Variants in SHISA9 observed in about 807,000 individuals in gnomAD.
SHISA9 encodes the protein protein shisa-9.
Under a neutral mutation model 38.0 loss-of-function variants are expected in SHISA9, and 13 were observed. The observed-to-expected ratio is 0.34, with a 90% CI of 0.22 to 0.54. SHISA9 has a LOEUF of 0.54. Among genes scored for constraint, SHISA9 ranks in the 20% least tolerant of loss-of-function variants. The pLI, the probability that SHISA9 is intolerant of heterozygous loss-of-function variation, is 0.91. For synonymous variants in SHISA9, 275 were observed against 242.0 expected (o/e 1.14, Z -1.27); for missense variants, 538 against 575.8 (o/e 0.93, Z 0.67).
chr16:13,057,305 C>A (rs1007165826), intron 2 of SHISA9, among the ~76,000 whole-genome samples: 6 of 152,334 alleles, frequency 3.9e-5, no homozygotes, highest in African/African-American at 1.4e-4. Context: ...AAGGCAGGTG[C>A]TCTGTTCCTC....
chr16:13,518,851 G>C, the SHISA9 span, among the ~76,000 whole-genome samples: 1 of 152,228 alleles, frequency 6.6e-6, no homozygotes, highest in Non-Finnish European at 1.5e-5. Context: ...TGTGGCGAGG[G>C]CCTTCTTGCT....
the SHISA9 span, among the ~76,000 whole-genome samples, chr16:13,471,007 A>C: frequency 2.0e-5 from 3 of 152,094 alleles, no homozygotes; most frequent in South Asian, 2.1e-4. Context: ...AAGTGTATTA[A>C]TGAAATAGTT....
intron 2 of SHISA9, among the ~76,000 whole-genome samples, chr16:13,010,843 T>A (rs917585741): frequency 6.6e-6 from 1 of 152,146 alleles, no homozygotes; most frequent in Non-Finnish European, 1.5e-5. Flanking sequence ...TCGCAGCTAC[T>A]TGGGAGGCTG....
intron 2 of SHISA9, among the ~76,000 whole-genome samples, chr16:13,169,108 A>G (rs561060578): frequency 4.6e-5 from 7 of 152,276 alleles, no homozygotes; most frequent in African/African-American, 1.7e-4. Flanking sequence ...CCTGTTTCAG[A>G]GAAGAGAATA....
At chr16:13,374,775 C>A in the SHISA9 span, among the ~76,000 whole-genome samples, 1 of 152,168 alleles carries the variant, frequency 6.6e-6, no homozygotes, top group Non-Finnish European at 1.5e-5. Flanking sequence ...AGTTTACAGT[C>A]CCACCAACAG....
chr16:13,536,498 T>G, the SHISA9 span, among the ~76,000 whole-genome samples: 894 of 152,288 alleles, frequency 5.9e-3, 3 homozygotes, highest in Middle Eastern at 0.017. Context: ...TATATAATTG[T>G]GGAGTATAAG....
chr16:13,063,638 C>G (rs1290277364), intron 2 of SHISA9, among the ~76,000 whole-genome samples: 1 of 152,096 alleles, frequency 6.6e-6, no homozygotes, highest in Admixed American at 6.6e-5. Flanking sequence ...CTATTGATTG[C>G]GCAATGGCAT....
At chr16:13,352,547 TTG>T in the SHISA9 span, among the ~76,000 whole-genome samples, 1 of 152,076 alleles carries the variant, frequency 6.6e-6, no homozygotes, top group Non-Finnish European at 1.5e-5. Context: ...GGCTCCTGTG[TTG>T]TCCTTAAGAT....
the SHISA9 span, among the ~76,000 whole-genome samples, chr16:13,401,687 C>T: frequency 1.9e-4 from 29 of 152,294 alleles, no homozygotes; most frequent in African/African-American, 7.0e-4. Flanking sequence ...GGGACCTTAC[C>T]AGTGACCAAA....
the SHISA9 span, among the ~76,000 whole-genome samples, chr16:13,494,373 A>T: frequency 6.6e-6 from 1 of 152,204 alleles, no homozygotes; most frequent in Admixed American, 6.5e-5. Context: ...AACCCCAGAA[A>T]CCCAAAACTC....
At chr16:13,359,272 G>A in the SHISA9 span, among the ~76,000 whole-genome samples, 1 of 151,958 alleles carries the variant, frequency 6.6e-6, no homozygotes, top group South Asian at 2.1e-4. Context: ...TTTGAGGTCA[G>A]GAGTTCAAAA....
chr16:13,254,724 C>A, the SHISA9 span, among the ~76,000 whole-genome samples: 1,118 of 152,318 alleles, frequency 7.3e-3, 5 homozygotes, highest in Middle Eastern at 0.014. Context: ...TCAAAATGCT[C>A]CTGTCTTTGG....
chr16:13,118,144 T>C (rs935480156), intron 2 of SHISA9, among the ~76,000 whole-genome samples: 21 of 149,226 alleles, frequency 1.4e-4, no homozygotes, highest in African/African-American at 5.2e-4. Flanking sequence ...ATCACGCAAT[T>C]GTACTCCAGC....
chr16:13,317,351 G>A, the SHISA9 span, among the ~76,000 whole-genome samples: 2 of 152,314 alleles, frequency 1.3e-5, no homozygotes, highest in African/African-American at 4.8e-5. Flanking sequence ...AGACAACCCC[G>A]TTGAGGATTC....
At chr16:13,149,742 T>C (rs138709568) in intron 2 of SHISA9, among the ~76,000 whole-genome samples, 3,948 of 151,796 alleles carry the variant, frequency 0.026, 164 homozygotes, top group African/African-American at 0.089. Context: ...CTGGCCAACA[T>C]GGTGATACCC....
rs373827654 is a variant in SHISA9 at position 13,196,770 on chromosome 16, C to T, written c.692-6624C>T. Among the ~76,000 whole-genome samples the T allele has an allele frequency of 6.6e-5, 10 of 152,210 alleles. No individual in the cohort carries two copies. In the East Asian group the frequency reaches 9.7e-4, roughly 15 times the overall value. On this transcript the variant is annotated intron_variant, in intron 2 of 4. Transcript: ENST00000558583. The stretch of plus-strand genomic sequence containing the variant: ...TGCAGTACTTTTGTAAATCTAAAAC[C>T]GTTTCATAGTAAAGAGTTTGTTTAA...
chr16:13,256,649 G>A, the SHISA9 span, among the ~76,000 whole-genome samples: 1 of 152,208 alleles, frequency 6.6e-6, no homozygotes, highest in Admixed American at 6.5e-5. Flanking sequence ...TTAAAGATTA[G>A]TTTGTCTCTG....
intron 2 of SHISA9, chr16:13,082,491 A>C (rs1007567261): frequency 6.6e-6 from 1 of 152,100 alleles, no homozygotes. Context: ...CATCCCGTTC[A>C]CAGAAGAGAG....
At chr16:12,928,314 T>TTGTGTG (rs55763909) in intron 2 of SHISA9, among the ~76,000 whole-genome samples, 32,472 of 150,860 alleles carry the variant, frequency 0.22, 3,684 homozygotes, top group African/African-American at 0.29. Flanking sequence ...CAGAGGTTGG[T>TTGTGTG]TGTGTGTGTG....
Sources: gnomAD v4.1 joint callset for allele counts (sites outside exome capture counted in the v4.1 genomes callset) on GRCh38, gnomAD v4.1.1 for gene constraint, MANE v1.5 for transcripts, NCBI Gene and HGNC (gene_info 2026-07-23, HGNC 2026-07-21) for gene names.